RILPL1: variants seen among roughly 807,000 people sequenced by gnomAD.
RILPL1 encodes Rab interacting lysosomal protein like 1.
A neutral mutation model predicts 50.3 loss-of-function variants in RILPL1; 33 were observed. That is an observed-to-expected ratio of 0.66 (90% CI 0.50 to 0.88). RILPL1 has a LOEUF of 0.88. Ranked by LOEUF, RILPL1 falls within the 40% of genes least tolerant of loss-of-function variation. RILPL1 has a pLI of 0.00. For missense variants in RILPL1, 418 were observed against 542.5 expected (o/e 0.77, Z 2.28); for synonymous variants, 205 against 228.6 (o/e 0.90, Z 0.93).
chr12:123,519,367 C>T (rs1884895617), intron 2 of RILPL1: 1 of 152,244 alleles, frequency 6.6e-6, no homozygotes, highest in Non-Finnish European at 1.5e-5. Context: ...CTCCAGCTGA[C>T]AAACTGGATT....
chr12:123,484,632 T>C (rs1315616502), intron 5 of RILPL1, among the ~76,000 whole-genome samples: 1 of 149,582 alleles, frequency 6.7e-6, no homozygotes, highest in Non-Finnish European at 1.5e-5. Context: ...GAAGAAGTGA[T>C]CTCTCCCACT....
intron 4 of RILPL1, among the ~76,000 whole-genome samples, chr12:123,497,183 T>C (rs1405705119): frequency 1.3e-5 from 2 of 152,176 alleles, no homozygotes; most frequent in Non-Finnish European, 2.9e-5. Context: ...CACCCATTCA[T>C]CTGCTGATGG....
chr12:123,524,996 G>T (rs1201159698), intron 1 of RILPL1, among the ~76,000 whole-genome samples: 1 of 152,136 alleles, frequency 6.6e-6, no homozygotes, highest in East Asian at 1.9e-4. Flanking sequence ...GCTGGGTGTG[G>T]TGGTGGGCAC....
intron 1 of RILPL1, among the ~76,000 whole-genome samples, chr12:123,528,577 G>A (rs1162060281): frequency 1.3e-5 from 2 of 151,656 alleles, no homozygotes; most frequent in Admixed American, 1.3e-4. Flanking sequence ...ACAGGCGCCC[G>A]CCACCACGCC....
intron 6 of RILPL1, among the ~76,000 whole-genome samples, chr12:123,477,931 T>C (rs1347262088): frequency 1.3e-5 from 2 of 149,068 alleles, no homozygotes; most frequent in African/African-American, 4.9e-5. Flanking sequence ...GGGTGACCAA[T>C]GCTCGGGGGC....
At chr12:123,518,917 C>T (rs957198460) in intron 2 of RILPL1, among the ~76,000 whole-genome samples, 2 of 151,702 alleles carry the variant, frequency 1.3e-5, no homozygotes, top group African/African-American at 2.4e-5. Context: ...ATTAGCTGAG[C>T]GTGGTGGCAC....
intron 6 of RILPL1, chr12:123,475,642 C>G: frequency 1.9e-6 from 3 of 1,541,630 alleles, no homozygotes; most frequent in Non-Finnish European, 2.6e-6. Flanking sequence ...AAACAAAACC[C>G]AAAACACACA....
At position 123,516,793 on chromosome 12, in the gene RILPL1, C is replaced by T. The variant is rs192117663; in HGVS notation, c.460+6702G>A. Among the ~76,000 whole-genome samples the T allele has an allele frequency of 7.9e-5, 12 of 152,226 alleles. No homozygotes were observed. The East Asian group carries it at 2.3e-3, about 29-fold the overall frequency. ...AAGACAAAGGAAGTTGAGCGCTATG[C>T]CTCATGCCTGTAATCCCAGCACTTT... On this transcript the variant is annotated intron_variant, in intron 2 of 6. Coordinates refer to ENST00000376874, the MANE Select transcript of RILPL1 (RefSeq NM_178314.5).
chr12:123,485,751 G>A lies in RILPL1; in HGVS notation c.856C>T (p.Leu286Phe), dbSNP rs376089832. 1.9e-6 allele frequency: 3 copies of A among 1,612,740 alleles called. No individual in the cohort carries two copies. In the African/African-American group the frequency reaches 4.0e-5, roughly 22 times the overall value. ...ISDAEKVAMD[L>F]KDPNRPRFTL... Reference sequence around the variant, plus strand: ...AACCGGGGGCGGTTGGGGTCCTTGAGATCCATGGCCACCTTCTCTGCGTCG... The same window carrying A: ...AACCGGGGGCGGTTGGGGTCCTTGAAATCCATGGCCACCTTCTCTGCGTCG... Residue 286 changes from leucine (L) to phenylalanine (F), a missense_variant, in exon 5 of 7, where the codon CTC becomes TTC. Leu to Phe is a conservative substitution (Grantham distance 22). Coordinates refer to ENST00000376874, the MANE Select transcript of RILPL1 (RefSeq NM_178314.5). This position sits in a 1 kb window ranked among gnomAD's most constrained non-coding sequence, Gnocchi z 4.0.
intron 2 of RILPL1, among the ~76,000 whole-genome samples, chr12:123,504,777 AT>A (rs966433181): frequency 3.4e-4 from 51 of 151,542 alleles, no homozygotes; most frequent in African/African-American, 1.2e-3. Context: ...GCCCAGAGAT[AT>A]TTTTTTTTCT....
chr12:123,513,122 GT>G (rs1884475951), intron 2 of RILPL1, among the ~76,000 whole-genome samples: 1 of 150,638 alleles, frequency 6.6e-6, no homozygotes, highest in African/African-American at 2.4e-5. Context: ...GTCTGTGTGT[GT>G]GTGGTGTGTG....
At chr12:123,528,786 CTTT>C (rs200540666) in intron 1 of RILPL1, among the ~76,000 whole-genome samples, 1 of 151,420 alleles carries the variant, frequency 6.6e-6, no homozygotes. Context: ...ACCCTAAATT[CTTT>C]TTTTTTCTTC....
intron 2 of RILPL1, among the ~76,000 whole-genome samples, chr12:123,508,912 G>A (rs1419787502): frequency 2.6e-5 from 4 of 151,858 alleles, no homozygotes; most frequent in East Asian, 1.9e-4. Flanking sequence ...AAGGCTGGGC[G>A]CGGTGACTCA....
intron 1 of RILPL1, among the ~76,000 whole-genome samples, chr12:123,525,767 C>A (rs1434661442): frequency 1.3e-5 from 2 of 149,372 alleles, no homozygotes; most frequent in East Asian, 2.0e-4. Flanking sequence ...CTTGTCTCAA[C>A]CTCCAGGGCT....
chr12:123,512,912 A>ATG (rs1205934395), intron 2 of RILPL1, among the ~76,000 whole-genome samples: 1 of 64,554 alleles, frequency 1.5e-5, no homozygotes, highest in Non-Finnish European at 2.7e-5. Flanking sequence ...GAGTGCGTGT[A>ATG]TGTGTGTGGT....
chr12:123,530,141 ATATT>A (rs1885396566), intron 1 of RILPL1, among the ~76,000 whole-genome samples: 1 of 152,166 alleles, frequency 6.6e-6, no homozygotes, highest in Non-Finnish European at 1.5e-5. Context: ...CCCATAAGAT[ATATT>A]AAAATTAACC....
chr12:123,515,042 C>T (rs1430125687), intron 2 of RILPL1, among the ~76,000 whole-genome samples: 1 of 151,414 alleles, frequency 6.6e-6, no homozygotes, highest in African/African-American at 2.4e-5. Flanking sequence ...AAGATTCTCC[C>T]ACCTCAGCCT....
rs1566127573 is a variant in RILPL1, at chr12:123,501,471, A to AAACAAACAAAC, written c.461-1936_461-1935insGTTTGTTTGTT. Among the ~76,000 whole-genome samples the AAACAAACAAAC allele has an allele frequency of 1.4e-3, 193 of 133,116 alleles. 1 individual carries two copies. The highest frequency in any genetic ancestry group is 6.1e-3 in the African/African-American group (188 of 30,688). The allele number at this position is 133,116 out of a possible 152,430, so 87.3% of individuals were successfully genotyped here. A position where few individuals can be genotyped will look rare whatever the true frequency, so the allele number is the denominator to read the frequency against. On this transcript the variant is annotated intron_variant, in intron 2 of 6. Transcript: ENST00000376874. ...ACAAACAAACAAACAAACAAACAAAAAACCTCAGGCTGGGTGCCGGTGGCT... is the reference window on the plus strand; with the variant it reads ...ACAAACAAACAAACAAACAAACAAAAAACAAACAAACAACCTCAGGCTGGGTGCCGGTGGCT...
At position 123,472,353 on chromosome 12, in the gene RILPL1, A is replaced by T; in HGVS notation, c.*185T>A. The T allele has an allele frequency of 1.7e-6, 1 of 599,350 alleles. No homozygotes were observed. Among genetic ancestry groups the T allele is most frequent in the East Asian group, 2.8e-5 (1 of 35,818 alleles). 37.1% of individuals were successfully genotyped at this position (599,350 alleles called of 1,614,324 possible). On this transcript the variant is annotated 3_prime_UTR_variant, in exon 7 of 7. Transcript: ENST00000376874. ...GTGATAGCCCTGGGTATAAATAAAC[A>T]TTTCTTTAGAGTTTGGCGTCAGTTT...
Sources: gnomAD v4.1 joint callset for allele counts (sites outside exome capture counted in the v4.1 genomes callset) on GRCh38, gnomAD v4.1.1 for gene constraint, Gnocchi (gnomAD v3.1) non-coding constraint, MANE v1.5 for transcripts, NCBI Gene and HGNC (gene_info 2026-07-23, HGNC 2026-07-21) for gene names.